Variants in EXOC6 observed in about 807,000 individuals in gnomAD.
The protein encoded by EXOC6 is exocyst complex component 6, also known as SEC15-like 1.
A neutral mutation model predicts 112.5 loss-of-function variants in EXOC6; 60 were observed. That is an observed-to-expected ratio of 0.53 (90% CI 0.43 to 0.66). The LOEUF (loss-of-function observed/expected upper bound fraction) is 0.66, where lower values mean the gene tolerates loss of function less well. Among genes scored for constraint, EXOC6 ranks in the 30% least tolerant of loss-of-function variants. EXOC6 has a pLI of 0.00. For missense variants in EXOC6, 855 were observed against 957.1 expected (o/e 0.89, Z 1.41); for synonymous variants, 295 against 308.0 (o/e 0.96, Z 0.44).
At chr10:92,912,512 T>G (rs1037017997) in intron 6 of EXOC6, among the ~76,000 whole-genome samples, 4 of 152,214 alleles carry the variant, frequency 2.6e-5, no homozygotes, top group East Asian at 1.9e-4. Context: ...GGTCATTTGA[T>G]TATGAGGTGA....
At chr10:92,845,615 A>T (rs1847022555), upstream of EXOC6, among the ~76,000 whole-genome samples, 1 of 151,730 alleles carries the variant, frequency 6.6e-6, no homozygotes, top group African/African-American at 2.4e-5. Context: ...CCACATTGAC[A>T]TATTTGATAT....
chr10:93,057,002 G>T lies in EXOC6; in HGVS notation c.2248G>T (p.Val750Leu), dbSNP rs1237350299. 6.3e-7 allele frequency: 1 copy of T among 1,592,964 alleles called. No individual in the cohort carries two copies. The highest frequency in any genetic ancestry group is 1.8e-5 in the Admixed American group (1 of 55,528). ...GCAGCCAGCTTCTAAGTACCTTCGGGTGAATCCAAACACAGCCCTTACTCT... is the reference window on the plus strand; with the variant it reads ...GCAGCCAGCTTCTAAGTACCTTCGGTTGAATCCAAACACAGCCCTTACTCT... ...YGQPASKYLR[V>L]NPNTALTLLE... Residue 750 changes from valine to leucine, a missense_variant, in exon 21 of 22, where the codon GTG (valine) becomes TTG (leucine). By Grantham distance (32) the Val-to-Leu change is conservative. This residue lies in a region of EXOC6 where 450 missense variants were observed against 563.5 expected (regional missense o/e 0.80). Coordinates refer to ENST00000260762, the MANE Select transcript of EXOC6 (RefSeq NM_019053.6).
intron 13 of EXOC6, among the ~76,000 whole-genome samples, chr10:92,942,143 C>A (rs1852703851): frequency 6.6e-6 from 1 of 152,188 alleles, no homozygotes; most frequent in African/African-American, 2.4e-5. Flanking sequence ...GTAATCCCAG[C>A]ACTTTGGGAG....
intron 12 of EXOC6, 74 bp from the exon 13 acceptor site, chr10:92,940,653 C>T (rs905842767): frequency 1.6e-5 from 15 of 925,514 alleles, no homozygotes; most frequent in Non-Finnish European, 2.0e-5. Flanking sequence ...AAATGATTCT[C>T]TAGTATTCCC....
chr10:92,977,522 T>C (rs1247637103), intron 18 of EXOC6, among the ~76,000 whole-genome samples: 2 of 152,146 alleles, frequency 1.3e-5, no homozygotes, highest in African/African-American at 4.8e-5. Flanking sequence ...TCTATAAATA[T>C]ATTTAATTTT....
intron 1 of EXOC6, among the ~76,000 whole-genome samples, chr10:92,827,102 A>G (rs1449498187): frequency 6.6e-6 from 1 of 152,182 alleles, no homozygotes; most frequent in Non-Finnish European, 1.5e-5. Context: ...GTTTCCTATG[A>G]ATGCGCTCCA....
intron 1 of EXOC6, among the ~76,000 whole-genome samples, chr10:92,890,979 A>G (rs913039407): frequency 3.3e-5 from 5 of 152,180 alleles, no homozygotes; most frequent in African/African-American, 1.2e-4. Flanking sequence ...GGGAACAAGG[A>G]TGGAATCAGG....
intron 13 of EXOC6, 44 bp from the exon 14 acceptor site, chr10:92,948,230 A>G: frequency 7.8e-7 from 1 of 1,278,540 alleles, no homozygotes; most frequent in African/African-American, 1.5e-5. Context: ...TACTCTAATA[A>G]TATGCTTTGT....
intron 1 of EXOC6, among the ~76,000 whole-genome samples, chr10:92,835,923 A>G (rs1031370898): frequency 2.0e-5 from 3 of 152,236 alleles, no homozygotes; most frequent in African/African-American, 7.2e-5. Flanking sequence ...TTTCAATAGC[A>G]GAAATCAGAG....
chr10:93,005,961 A>G (rs1843958908), intron 19 of EXOC6, among the ~76,000 whole-genome samples: 1 of 152,108 alleles, frequency 6.6e-6, no homozygotes, highest in South Asian at 2.1e-4. Context: ...GGGGTTCGAG[A>G]CCAGCCTGGG....
intron 13 of EXOC6, among the ~76,000 whole-genome samples, chr10:92,943,025 T>A (rs1852754822): frequency 7.2e-6 from 1 of 138,860 alleles, no homozygotes; most frequent in Admixed American, 7.1e-5. Flanking sequence ...TTTTGCCTAA[T>A]TTTTTTTTTT....
chr10:93,014,371 C>A, intron 20 of EXOC6, 104 bp downstream of exon 20: 1 of 861,970 alleles, frequency 1.2e-6, no homozygotes, highest in South Asian at 1.5e-5. Context: ...TGCCTTGAAA[C>A]AACCTATCTT....
At chr10:93,054,488 A>G (rs989403858) in intron 20 of EXOC6, among the ~76,000 whole-genome samples, 2 of 152,368 alleles carry the variant, frequency 1.3e-5, no homozygotes, top group South Asian at 2.1e-4. Context: ...AGATTTGTCT[A>G]CATATGGGCA....
intron 7 of EXOC6, among the ~76,000 whole-genome samples, chr10:92,917,253 C>A (rs1851141082): frequency 6.6e-6 from 1 of 152,088 alleles, no homozygotes; most frequent in Non-Finnish European, 1.5e-5. Context: ...GTGTGGGCCA[C>A]TGCGCCCAAA....
At chr10:93,044,704 T>C (rs954229532) in intron 20 of EXOC6, among the ~76,000 whole-genome samples, 12 of 152,202 alleles carry the variant, frequency 7.9e-5, no homozygotes, top group African/African-American at 1.9e-4. Context: ...CTATTTTTTT[T>C]CCCACTAATT....
chr10:92,915,565 ATTTTTTTTT>A (rs1172917198), intron 6 of EXOC6, among the ~76,000 whole-genome samples, 184 bp from the exon 7 acceptor site: 2 of 109,244 alleles, frequency 1.8e-5, no homozygotes, highest in African/African-American at 7.2e-5. Flanking sequence ...TGAGACCCTG[ATTTTTTTTT>A]TTTTTTTTTT....
intron 7 of EXOC6, among the ~76,000 whole-genome samples, chr10:92,917,518 G>A (rs535323863): frequency 2.8e-4 from 39 of 140,464 alleles, no homozygotes; most frequent in Admixed American, 8.0e-4. Context: ...TCATTCTCTC[G>A]TTCTTTTTTT....
chr10:92,875,470 T>C (rs1848642840), intron 1 of EXOC6, among the ~76,000 whole-genome samples: 1 of 152,224 alleles, frequency 6.6e-6, no homozygotes, highest in African/African-American at 2.4e-5. Flanking sequence ...TGTGTATGAA[T>C]AAGTATGTTT....
intron 17 of EXOC6, among the ~76,000 whole-genome samples, chr10:92,966,853 G>A (rs953881570): frequency 1.4e-5 from 2 of 146,746 alleles, no homozygotes; most frequent in South Asian, 4.5e-4. Flanking sequence ...AGATCCCTGC[G>A]GAATCGCCAC....
Sources: allele counts gnomAD v4.1 joint callset (sites outside exome capture counted in the v4.1 genomes callset), GRCh38; gene constraint gnomAD v4.1.1; regional missense constraint gnomAD v4.1.1; transcripts MANE v1.5; gene names NCBI Gene and HGNC (gene_info 2026-07-23, HGNC 2026-07-21).